The following NAA15 variants were observed in gnomAD, a reference collection of about 807,000 sequenced individuals.
The protein encoded by NAA15 is N-terminal acetyltransferase.
In NAA15, 34 loss-of-function variants were observed where a neutral mutation model predicts 114.0. The ratio of observed to expected loss-of-function variants is 0.30; its 90% confidence interval spans 0.23 to 0.40. The LOEUF (loss-of-function observed/expected upper bound fraction) is 0.40. NAA15 is among the 10% of genes least tolerant of loss of function. The pLI, the probability that NAA15 is intolerant of heterozygous loss-of-function variation, is 1.00. For missense variants in NAA15, 658 were observed against 1,004.5 expected, an observed-to-expected ratio of 0.66 and a Z score of 4.66; for synonymous variants, 340 against 338.0, an observed-to-expected ratio of 1.01 and a Z score of -0.06.
At chr4:139,366,124 G>A (rs1379806083) in intron 14 of NAA15, among the ~76,000 whole-genome samples, 3 of 150,866 alleles carry the variant, frequency 2.0e-5, no homozygotes, top group African/African-American at 7.3e-5. Context: ...GTTATCTATT[G>A]CTGCATCATA....
At chr4:139,323,668 A>G (rs1746696211) in intron 1 of NAA15, among the ~76,000 whole-genome samples, 1 of 152,200 alleles carries the variant, frequency 6.6e-6, no homozygotes, top group Non-Finnish European at 1.5e-5. Context: ...AGTCTGGAAG[A>G]TGCTTCTAGA....
intron 1 of NAA15, among the ~76,000 whole-genome samples, chr4:139,328,879 TC>T (rs1173232742): frequency 6.6e-6 from 1 of 151,348 alleles, no homozygotes; most frequent in Non-Finnish European, 1.5e-5. Context: ...TTTTTTTTTT[TC>T]CTCAGACAGA....
chr4:139,317,548 G>A (rs954676044), intron 1 of NAA15, among the ~76,000 whole-genome samples: 57 of 152,158 alleles, frequency 3.7e-4, no homozygotes, highest in Admixed American at 2.6e-3. Flanking sequence ...TTGAACCCGG[G>A]AGGCGGAGGT....
At chr4:139,331,713 C>T (rs549060670) in intron 1 of NAA15, among the ~76,000 whole-genome samples, 19 of 151,358 alleles carry the variant, frequency 1.3e-4, no homozygotes, top group South Asian at 4.2e-4. Flanking sequence ...GATCCGCTCA[C>T]CTCAGCCTCC....
At position 139,370,409 on chromosome 4, in the gene NAA15, TTAA is replaced by T. The variant is rs1579130332; in HGVS notation, c.1947+11_1947+13del. On this transcript the variant is annotated splice_donor_region_variant and intron_variant, in intron 15 of 19. Transcript: ENST00000296543. The stretch of plus-strand genomic sequence containing the variant: ...ATTCCAGAGAAACTGGCCAAGGTAC[TTAA>T]TAATAGTGTTTAGCACAATTGAGTG... The T allele has an allele frequency of 6.4e-7, 1 of 1,563,312 alleles. No individual in the cohort carries two copies. Among genetic ancestry groups the T allele is most frequent in the African/African-American group, 1.4e-5 (1 of 72,244 alleles).
intron 13 of NAA15, among the ~76,000 whole-genome samples, chr4:139,360,968 T>G (rs1009935417): frequency 2.6e-5 from 4 of 152,160 alleles, no homozygotes; most frequent in Admixed American, 1.3e-4. Flanking sequence ...ATTGTAGAAT[T>G]TATTGATGAT....
In NAA15 at chr4:139,370,474, CTTAT is replaced by C. The variant is rs1364306045; in HGVS notation, c.1947+73_1947+76del. On this transcript the variant is annotated intron_variant, in intron 15 of 19. Coordinates refer to ENST00000296543, the MANE Select transcript of NAA15 (RefSeq NM_057175.5). Reference sequence around the variant, plus strand: ...CCAGCTCTTGTCATTTTTATACTGTCTTATTTGACAGTATATAACCTTATGTGAT... The same window carrying C: ...CCAGCTCTTGTCATTTTTATACTGTCTTGACAGTATATAACCTTATGTGAT... 3.5e-6 allele frequency: 5 copies of C among 1,439,908 alleles called. No homozygotes were observed. In the African/African-American group the frequency reaches 4.3e-5, roughly 12 times the overall value. The allele number at this position is 1,439,908 out of a possible 1,614,324, so 89.2% of individuals were successfully genotyped here.
intron 1 of NAA15, among the ~76,000 whole-genome samples, chr4:139,315,006 T>TTTAGGTTAGGTTAGGTTAGGTTAGG (rs1553992519): frequency 4.9e-5 from 5 of 101,528 alleles, no homozygotes; most frequent in South Asian, 3.1e-4. Flanking sequence ...TTCAGTTTAG[T>TTTAGGTTAGGTTAGGTTAGGTTAGG]TTAGGTTAGG....
At chr4:139,312,277 G>C (rs1007413815) in intron 1 of NAA15, among the ~76,000 whole-genome samples, 1 of 151,914 alleles carries the variant, frequency 6.6e-6, no homozygotes, top group Non-Finnish European at 1.5e-5. Context: ...TTCAGTAATA[G>C]TTCTCAGTGT....
At position 139,369,302 on chromosome 4, in the gene NAA15, T is replaced by A. The variant is rs184128285; in HGVS notation, c.1754-909T>A. Among the ~76,000 whole-genome samples the A allele has an allele frequency of 2.9e-3, 441 of 152,352 alleles. 3 individuals carry two copies. The highest frequency in any genetic ancestry group is 1.0e-3 in the Non-Finnish European group (68 of 68,030). On this transcript the variant is annotated intron_variant, in intron 14 of 19. Transcript: ENST00000296543. ...CATAGAGATATGCAACAGCTTGTTATATTCATAGATTGCAAATAGTTTAAT... is the reference window on the plus strand; with the variant it reads ...CATAGAGATATGCAACAGCTTGTTAAATTCATAGATTGCAAATAGTTTAAT...
intron 15 of NAA15, among the ~76,000 whole-genome samples, chr4:139,371,497 G>GCACGCGCACACACA (rs1553998024): frequency 8.8e-6 from 1 of 113,664 alleles, no homozygotes; most frequent in Admixed American, 1.0e-4. Flanking sequence ...AAGAAAAGTA[G>GCACGCGCACACACA]CACACACACA....
At chr4:139,333,943 T>C (rs1747114493) in intron 1 of NAA15, among the ~76,000 whole-genome samples, 1 of 152,168 alleles carries the variant, frequency 6.6e-6, no homozygotes, top group Non-Finnish European at 1.5e-5. Context: ...TATTTTTCTG[T>C]TCTCTTTCTG....
chr4:139,330,515 C>T (rs181169297), intron 1 of NAA15, among the ~76,000 whole-genome samples: 3 of 152,178 alleles, frequency 2.0e-5, no homozygotes, highest in East Asian at 3.9e-4. Flanking sequence ...GCCAAGAAAC[C>T]GGGTCTGATA....
chr4:139,307,590 C>T (rs527287398), intron 1 of NAA15, among the ~76,000 whole-genome samples: 1 of 152,188 alleles, frequency 6.6e-6, no homozygotes, highest in Non-Finnish European at 1.5e-5. Flanking sequence ...TTATTGCACA[C>T]TTGAAATATG....
intron 1 of NAA15, among the ~76,000 whole-genome samples, chr4:139,313,532 G>A (rs866112029): frequency 1.3e-5 from 2 of 150,506 alleles, no homozygotes; most frequent in African/African-American, 4.9e-5. Flanking sequence ...CATTGTTACA[G>A]TATATTTCTT....
At chr4:139,332,924 G>A (rs771207214) in intron 1 of NAA15, among the ~76,000 whole-genome samples, 20 of 152,088 alleles carry the variant, frequency 1.3e-4, no homozygotes, top group Non-Finnish European at 2.1e-4. Flanking sequence ...GACATTTTGC[G>A]AGATTGGTTC....
At chr4:139,303,516 G>C (rs534620274) in intron 1 of NAA15, among the ~76,000 whole-genome samples, 1 of 152,174 alleles carries the variant, frequency 6.6e-6, no homozygotes, top group East Asian at 1.9e-4. Context: ...TTATCTCTAG[G>C]CTGGGCACGG....
intron 18 of NAA15, 61 bp downstream of exon 18, chr4:139,385,039 C>A: frequency 7.6e-7 from 1 of 1,310,190 alleles, no homozygotes; most frequent in Non-Finnish European, 1.0e-6. Context: ...AATGAATCAA[C>A]AATAATATAA....
chr4:139,314,913 T>G (rs1289615934), intron 1 of NAA15, among the ~76,000 whole-genome samples: 2 of 151,728 alleles, frequency 1.3e-5, no homozygotes, highest in African/African-American at 4.9e-5. Context: ...CTTGACATTG[T>G]GATCCGCCTG....
Sources: allele counts gnomAD v4.1 joint callset (sites outside exome capture counted in the v4.1 genomes callset), GRCh38; gene constraint gnomAD v4.1.1; transcripts MANE v1.5; gene names NCBI Gene and HGNC (gene_info 2026-07-23, HGNC 2026-07-21).